PSMC5: variants seen among roughly 807,000 people sequenced by gnomAD.
PSMC5 encodes 26S proteasome regulatory subunit 8.
PSMC5 carries 11 observed loss-of-function variants against 49.1 expected under a neutral mutation model. The ratio of observed to expected loss-of-function variants is 0.22; its 90% CI spans 0.14 to 0.37. PSMC5 has a LOEUF of 0.37. Among genes scored for constraint, PSMC5 ranks in the 10% least tolerant of loss-of-function variants. The pLI is 1.00. For synonymous variants in PSMC5, 206 were observed against 192.2 expected (o/e 1.07, Z -0.59); for missense variants, 229 against 520.9 (o/e 0.44, Z 5.45).
Position 63,829,950 on chromosome 17 carries a change from G to T in PSMC5, c.264+1G>T. Reference sequence around the variant, plus strand: ...GGATAAGAAGAAAGTGTTGGTCAAGGTAAAAGCAGCATGACCCCAGGGACC... The same window carrying T: ...GGATAAGAAGAAAGTGTTGGTCAAGTTAAAAGCAGCATGACCCCAGGGACC... On this transcript the variant is annotated splice_donor_variant, in intron 4 of 11. Transcript: ENST00000310144. LOFTEE classifies it high-confidence loss of function. 1.2e-6 allele frequency: 2 copies of T among 1,607,496 alleles called. No individual in the cohort carries two copies. The highest frequency in any genetic ancestry group is 1.7e-6 in the Non-Finnish European group (2 of 1,176,604).
In PSMC5 at chr17:63,831,253, G is replaced by A. The variant is rs781409900; in HGVS notation, c.870+27G>A. 5 of 1,603,742 alleles carry A rather than the reference G, an allele frequency of 3.1e-6. No homozygotes were observed. The South Asian group carries it at 4.4e-5, about 14-fold the overall frequency. On this transcript the variant is annotated intron_variant, in intron 8 of 11. Coordinates refer to ENST00000310144, the MANE Select transcript of PSMC5 (RefSeq NM_002805.6). This position sits in a 1 kb window ranked among gnomAD's most constrained non-coding sequence, Gnocchi z 6.3. Reference sequence around the variant, plus strand: ...TAAGGTGGTAGCATCCTTGGGATGGGCCCAGGGAAGGCCTGGGTGCCACGC... The same window carrying A: ...TAAGGTGGTAGCATCCTTGGGATGGACCCAGGGAAGGCCTGGGTGCCACGC...
In PSMC5 at chr17:63,832,016, A is replaced by G; in HGVS notation, c.*47A>G. 6.4e-7 allele frequency: 1 copy of G among 1,557,404 alleles called. No homozygotes were observed. The highest frequency in any genetic ancestry group is 8.9e-7 in the Non-Finnish European group (1 of 1,128,470). On this transcript the variant is annotated 3_prime_UTR_variant, in exon 12 of 12. Transcript: ENST00000310144. ...CTCTCCAATAAAGCTCTGTGGGCCA[A>G]GTCCTCTAGGACTCCAGTCTGTTAA... is the stretch of plus-strand genomic sequence containing the variant.
Position 63,831,568 on chromosome 17 carries a change from G to C in PSMC5, c.1032G>C (p.Leu344=), listed in dbSNP as rs377085708. ...RKMNLTRGIN[L]RKIAELMPGA... Reference sequence around the variant, plus strand: ...TGAACCTGACCCGGGGGATCAACCTGAGAAAAATTGCTGAGCTCATGCCAG... The same window carrying C: ...TGAACCTGACCCGGGGGATCAACCTCAGAAAAATTGCTGAGCTCATGCCAG... Residue 344 remains leucine (L), a synonymous_variant, in exon 10 of 12, where the codon CTG becomes CTC. Coordinates refer to ENST00000310144, the MANE Select transcript of PSMC5 (RefSeq NM_002805.6). The surrounding 1 kb of genome is among the most constrained non-coding windows in gnomAD (Gnocchi z 6.3). The C allele has an allele frequency of 6.2e-7, 1 of 1,614,154 alleles. No individual in the cohort carries two copies. The highest frequency in any genetic ancestry group is 1.3e-5 in the African/African-American group (1 of 75,036).
rs557733461 is a variant in PSMC5 at position 63,830,588 on chromosome 17, C to T, written c.552+87C>T. The T allele has an allele frequency of 1.7e-5, 26 of 1,540,964 alleles. No homozygotes were observed. The highest frequency in any genetic ancestry group is 1.6e-4 in the South Asian group (13 of 83,082). On this transcript the variant is annotated intron_variant, in intron 6 of 11. Transcript: ENST00000310144. The surrounding 1 kb of genome is among the most constrained non-coding windows in gnomAD (Gnocchi z 4.0). ...CCTACTGCAGGGGTTGGGGAGGCACCGGGATAGGCTGCATCTTGCTTGGGC... is the reference window on the plus strand; with the variant it reads ...CCTACTGCAGGGGTTGGGGAGGCACTGGGATAGGCTGCATCTTGCTTGGGC...
chr17:63,827,711 A>T (rs2040127192), intron 1 of PSMC5, 197 bp downstream of exon 1: 1 of 1,439,706 alleles, frequency 6.9e-7, no homozygotes, highest in Admixed American at 2.8e-5. Context: ...CTGGGAGAGG[A>T]AGACGCGGTA....
Position 63,831,891 on chromosome 17 carries a change from T to C in PSMC5, c.1168-25T>C, listed in dbSNP as rs763730433. Reference sequence around the variant, plus strand: ...GGGCATGTGTGTGTTCGTAACTTAATGTTCATTCTCTCTCCCACCCCTAGG... The same window carrying C: ...GGGCATGTGTGTGTTCGTAACTTAACGTTCATTCTCTCTCCCACCCCTAGG... On this transcript the variant is annotated intron_variant, in intron 11 of 11. Transcript: ENST00000310144. The surrounding 1 kb of genome is among the most constrained non-coding windows in gnomAD (Gnocchi z 6.3). 2.5e-6 allele frequency: 4 copies of C among 1,613,650 alleles called. No individual in the cohort carries two copies. In the East Asian group the frequency reaches 8.9e-5, roughly 36 times the overall value.
chr17:63,829,821 T>C (rs1181555482), intron 3 of PSMC5, 31 bp from the exon 4 acceptor site: 1 of 1,607,706 alleles, frequency 6.2e-7, no homozygotes, highest in Non-Finnish European at 8.5e-7. Flanking sequence ...AAGGAGTAGC[T>C]AGGTGACCAC....
At chr17:63,828,395 C>T (rs1013292527) in intron 2 of PSMC5, 186 bp downstream of exon 2, 1 of 587,598 alleles carries the variant, frequency 1.7e-6, no homozygotes, top group South Asian at 2.1e-5. Context: ...CCTCCAGTCC[C>T]ATCTCTTTGA....
chr17:63,830,223 G>T lies in PSMC5; in HGVS notation c.321+34G>T. The T allele has an allele frequency of 6.2e-7, 1 of 1,613,880 alleles. No homozygotes were observed. The highest frequency in any genetic ancestry group is 1.1e-5 in the South Asian group (1 of 91,054). ...AGCAGGTGAGGTGGTGGTGGTGGTGGGGTCAGCTCTTACTGTACCACTTCT... is the reference window on the plus strand; with the variant it reads ...AGCAGGTGAGGTGGTGGTGGTGGTGTGGTCAGCTCTTACTGTACCACTTCT... On this transcript the variant is annotated intron_variant, in intron 5 of 11. Coordinates refer to ENST00000310144, the MANE Select transcript of PSMC5 (RefSeq NM_002805.6). This position sits in a 1 kb window ranked among gnomAD's most constrained non-coding sequence, Gnocchi z 4.0.
At chr17:63,828,815 T>A (rs2040145222) in intron 2 of PSMC5, 1 of 154,610 alleles carries the variant, frequency 6.5e-6, no homozygotes, top group South Asian at 2.0e-4. Flanking sequence ...TAGTGTTACG[T>A]TATACTGTTA....
rs763414412 is a variant in PSMC5 at position 63,829,751 on chromosome 17, C to A, written c.167-101C>A. On this transcript the variant is annotated intron_variant, in intron 3 of 11. Coordinates refer to ENST00000310144, the MANE Select transcript of PSMC5 (RefSeq NM_002805.6). ...AAATACATGAATTTTGACCTTTGGC[C>A]TTCCTTTAATAAGAGTGATGCTTAG... The A allele has an allele frequency of 7.3e-6, 10 of 1,377,376 alleles. No homozygotes were observed. The Admixed American group carries it at 9.0e-5, about 12-fold the overall frequency. 85.3% of individuals were successfully genotyped at this position (1,377,376 alleles called of 1,614,324 possible).
At chr17:63,827,992 A>T (rs570673638) in intron 1 of PSMC5, 146 bp from the exon 2 acceptor site, 1 of 1,280,934 alleles carries the variant, frequency 7.8e-7, no homozygotes, top group African/African-American at 1.5e-5. Context: ...GGGAGGGATT[A>T]GAACCCAGAT....
Position 63,831,014 on chromosome 17 carries a change from C to T in PSMC5, c.680-22C>T. The T allele has an allele frequency of 1.9e-6, 3 of 1,594,996 alleles. No homozygotes were observed. The highest frequency in any genetic ancestry group is 2.6e-6 in the Non-Finnish European group (3 of 1,168,884). ...GCTAATAAGCTAATAAGCTCCCTAA[C>T]ACCAGCTCGGCCTCCACACAGGGGC... On this transcript the variant is annotated intron_variant, in intron 7 of 11. Coordinates refer to ENST00000310144, the MANE Select transcript of PSMC5 (RefSeq NM_002805.6). The surrounding 1 kb of genome is among the most constrained non-coding windows in gnomAD (Gnocchi z 6.3).
intron 1 of PSMC5, 44 bp from the exon 2 acceptor site, chr17:63,828,094 T>C (rs2040133885): frequency 1.2e-6 from 2 of 1,610,540 alleles, no homozygotes; most frequent in South Asian, 2.2e-5. Flanking sequence ...CTTTACCCCC[T>C]CGGATGTTTA....
At chr17:63,827,812 G>T (rs950227269) in intron 1 of PSMC5, 15 of 1,427,114 alleles carry the variant, frequency 1.1e-5, no homozygotes, top group South Asian at 1.5e-5. Context: ...GCTCCGTTCC[G>T]CTGGCTCCTT....
intron 1 of PSMC5, 194 bp from the exon 2 acceptor site, chr17:63,827,944 T>C: frequency 7.6e-7 from 1 of 1,319,228 alleles, no homozygotes; most frequent in African/African-American, 1.5e-5. Flanking sequence ...TTCCCATTCT[T>C]TTATTTTAGT....
At position 63,829,521 on chromosome 17, in the gene PSMC5, C is replaced by G; in HGVS notation, c.124C>G (p.Leu42Val). 1.3e-6 allele frequency: 2 copies of G among 1,555,786 alleles called. No individual in the cohort carries two copies. Among genetic ancestry groups the G allele is most frequent in the Non-Finnish European group, 1.7e-6 (2 of 1,149,164 alleles). The change falls in exon 3 of 12, where the codon CTC becomes GTC. Residue 42 changes from leucine to valine, a missense_variant. Leu to Val is a conservative substitution (Grantham distance 32). Around this residue, in one of 4 missense-constraint regions of PSMC5, gnomAD observed 98 missense variants for 144.0 expected, o/e 0.68. Coordinates refer to ENST00000310144, the MANE Select transcript of PSMC5 (RefSeq NM_002805.6). ...QLIVNDKSQN[L>V]RRLQAQRNEL... Reference sequence around the variant, plus strand: ...GATTGTGAATGATAAGAGCCAAAACCTCCGGAGGCTGCAGGCACAGAGGAA... The same window carrying G: ...GATTGTGAATGATAAGAGCCAAAACGTCCGGAGGCTGCAGGCACAGAGGAA...
Position 63,831,409 on chromosome 17 carries a change from C to CA in PSMC5, c.954dup (p.Pro319ThrfsTer4). 1 of 1,613,906 alleles carries CA rather than the reference C, an allele frequency of 6.2e-7. No homozygotes were observed. The highest frequency in any genetic ancestry group is 8.5e-7 in the Non-Finnish European group (1 of 1,179,946). On this transcript the variant is annotated frameshift_variant, in exon 9 of 12. Coordinates refer to ENST00000310144, the MANE Select transcript of PSMC5 (RefSeq NM_002805.6). LOFTEE classifies it high-confidence loss of function. The surrounding 1 kb of genome is among the most constrained non-coding windows in gnomAD (Gnocchi z 6.3). Reference sequence around the variant, plus strand: ...CGCATTGACAGAAAAATTGAATTCCCACCCCCCAATGAGGAGGTTTGTGAT... The same window carrying CA: ...CGCATTGACAGAAAAATTGAATTCCCAACCCCCCAATGAGGAGGTTTGTGAT...
Position 63,828,377 on chromosome 17 carries a change from C to T in PSMC5, c.96+168C>T, listed in dbSNP as rs78809780. Reference sequence around the variant, plus strand: ...TGTATGTATCAGAAGTAAGCAATCTCTTGTTCTCCTCCAGTCCCATCTCTT... The same window carrying T: ...TGTATGTATCAGAAGTAAGCAATCTTTTGTTCTCCTCCAGTCCCATCTCTT... On this transcript the variant is annotated intron_variant, in intron 2 of 11. Transcript: ENST00000310144. 1,971 of 630,470 alleles carry T rather than the reference C, an allele frequency of 3.1e-3. 19 individuals are homozygous for T. Among genetic ancestry groups the T allele is most frequent in the African/African-American group, 0.019 (1,011 of 54,444 alleles). The allele number at this position is 630,470 out of a possible 1,614,324, so 39.1% of individuals were successfully genotyped here.
Sources: gnomAD v4.1 joint callset for allele counts on GRCh38, gnomAD v4.1.1 for gene constraint, gnomAD v4.1.1 regional missense constraint, Gnocchi (gnomAD v3.1) non-coding constraint, MANE v1.5 for transcripts, NCBI Gene and HGNC (gene_info 2026-07-23, HGNC 2026-07-21) for gene names.